Variants in CMTM8 observed in about 807,000 individuals in gnomAD.
CMTM8 encodes the protein CKLF like MARVEL transmembrane domain containing 8, also known as CKLF-like MARVEL transmembrane domain-containing protein 8.
A neutral mutation model predicts 18.6 loss-of-function variants in CMTM8; 12 were observed. The observed-to-expected ratio is 0.65, with a 90% CI of 0.41 to 1.05. The LOEUF (loss-of-function observed/expected upper bound fraction) is 1.05. Among genes scored for constraint, CMTM8 ranks in the 50% least tolerant of loss-of-function variants. The probability of loss-of-function intolerance (pLI) is 0.00; values close to 1 mark genes in which losing one functional copy is unlikely to be tolerated. For missense variants in CMTM8, 217 were observed against 227.2 expected, an observed-to-expected ratio of 0.95 and a Z score of 0.29; for synonymous variants, 87 against 90.6, an observed-to-expected ratio of 0.96 and a Z score of 0.23.
chr3:32,246,671 A>G (rs1374428957), intron 1 of CMTM8, among the ~76,000 whole-genome samples: 1 of 152,190 alleles, frequency 6.6e-6, no homozygotes, highest in African/African-American at 2.4e-5. Context: ...CCAGGCTCCT[A>G]CTGTTCAATG....
At chr3:32,331,600 G>C (rs1203492577) in intron 1 of CMTM8, among the ~76,000 whole-genome samples, 1 of 149,986 alleles carries the variant, frequency 6.7e-6, no homozygotes, top group East Asian at 1.9e-4. Flanking sequence ...GTTCATTGCA[G>C]CATTATTCAC....
At chr3:32,363,534 C>T (rs1417636330) in intron 2 of CMTM8, among the ~76,000 whole-genome samples, 2 of 152,210 alleles carry the variant, frequency 1.3e-5, no homozygotes, top group African/African-American at 4.8e-5. Context: ...CAGCTGGAAA[C>T]TCCGTTACCA....
intron 1 of CMTM8, among the ~76,000 whole-genome samples, chr3:32,247,507 G>A (rs1407008608): frequency 2.0e-5 from 3 of 151,816 alleles, no homozygotes; most frequent in Admixed American, 1.3e-4. Context: ...TGACTTTTTA[G>A]CAGATATGGA....
At chr3:32,351,505 C>A (rs980229725) in intron 1 of CMTM8, among the ~76,000 whole-genome samples, 2 of 151,972 alleles carry the variant, frequency 1.3e-5, no homozygotes, top group African/African-American at 4.8e-5. Context: ...CCCAGGAGTT[C>A]GAGACCAGCC....
chr3:32,280,026 G>A (rs1702582227), intron 1 of CMTM8, among the ~76,000 whole-genome samples: 1 of 142,084 alleles, frequency 7.0e-6, no homozygotes, highest in South Asian at 2.4e-4. Flanking sequence ...ACACCCCACT[G>A]TCAATATAAT....
intron 1 of CMTM8, among the ~76,000 whole-genome samples, chr3:32,242,580 G>A (rs896519192): frequency 1.3e-5 from 2 of 152,004 alleles, no homozygotes; most frequent in Non-Finnish European, 2.9e-5. Context: ...TGCCCACCTC[G>A]GCCTCCCAAA....
At chr3:32,250,451 T>C (rs909105985) in intron 1 of CMTM8, among the ~76,000 whole-genome samples, 8 of 152,222 alleles carry the variant, frequency 5.3e-5, no homozygotes, top group Non-Finnish European at 1.0e-4. Context: ...CTGGATTCTG[T>C]TGAATCTATA....
intron 1 of CMTM8, among the ~76,000 whole-genome samples, chr3:32,272,858 G>T (rs1487460399): frequency 1.3e-5 from 2 of 152,116 alleles, no homozygotes; most frequent in African/African-American, 4.8e-5. Context: ...TTACATGGGT[G>T]GTTTCCTGTT....
intron 1 of CMTM8, among the ~76,000 whole-genome samples, chr3:32,338,683 A>G (rs1399206065): frequency 3.3e-5 from 5 of 152,188 alleles, no homozygotes; most frequent in South Asian, 4.1e-4. Context: ...ATATAAGGCA[A>G]AATTGGATGG....
At chr3:32,345,974 G>A (rs1047192940) in intron 1 of CMTM8, among the ~76,000 whole-genome samples, 3 of 152,178 alleles carry the variant, frequency 2.0e-5, no homozygotes, top group African/African-American at 7.2e-5. Context: ...AACCAACATG[G>A]TGAAACTCCG....
intron 1 of CMTM8, among the ~76,000 whole-genome samples, chr3:32,332,641 T>C (rs1158607002): frequency 6.6e-6 from 1 of 152,168 alleles, no homozygotes; most frequent in Non-Finnish European, 1.5e-5. Flanking sequence ...CTCAGCCGCC[T>C]CAATCCTTCT....
At chr3:32,295,425 C>T (rs1467006095) in intron 1 of CMTM8, among the ~76,000 whole-genome samples, 1 of 120,680 alleles carries the variant, frequency 8.3e-6, no homozygotes, top group East Asian at 2.4e-4. Context: ...CACTGTGTTC[C>T]AGCCTGGGCA....
chr3:32,353,902 A>G (rs1364387922), intron 1 of CMTM8, among the ~76,000 whole-genome samples: 1 of 150,034 alleles, frequency 6.7e-6, no homozygotes, highest in African/African-American at 2.5e-5. Context: ...CTCCTGCCTC[A>G]GCCTCCCGAG....
Position 32,238,793 on chromosome 3 carries a change from C to G in CMTM8, c.-180C>G, listed in dbSNP as rs1248646882. 15 of 358,944 alleles carry G rather than the reference C, an allele frequency of 4.2e-5. No individual in the cohort carries two copies. The highest frequency in any genetic ancestry group is 7.6e-4 in the Middle Eastern group (1 of 1,312). 22.2% of individuals were successfully genotyped at this position (358,944 alleles called of 1,614,324 possible). Reference sequence around the variant, plus strand: ...GCACCGAGGCGCTAGGGGCACCGCGCACTAGAGGGACACCCGCCGCGCCTG... The same window carrying G: ...GCACCGAGGCGCTAGGGGCACCGCGGACTAGAGGGACACCCGCCGCGCCTG... On this transcript the variant is annotated 5_prime_UTR_variant, in exon 1 of 4. Transcript: ENST00000307526.
intron 2 of CMTM8, among the ~76,000 whole-genome samples, chr3:32,359,450 C>T (rs769010446): frequency 3.3e-5 from 5 of 152,110 alleles, no homozygotes; most frequent in African/African-American, 4.8e-5. Flanking sequence ...ATTAGCCTGG[C>T]GTAGTGGCAC....
intron 1 of CMTM8, among the ~76,000 whole-genome samples, chr3:32,281,145 G>A (rs776801564): frequency 6.6e-6 from 1 of 152,204 alleles, no homozygotes; most frequent in Non-Finnish European, 1.5e-5. Flanking sequence ...GAGATACCTT[G>A]TAGGCCCACC....
chr3:32,266,798 T>C (rs1387649605), intron 1 of CMTM8, among the ~76,000 whole-genome samples: 1 of 152,190 alleles, frequency 6.6e-6, no homozygotes, highest in Admixed American at 6.5e-5. Context: ...CAGGCATTCT[T>C]ATACACCAAT....
chr3:32,349,002 T>C (rs1481758468), intron 1 of CMTM8, among the ~76,000 whole-genome samples: 4 of 150,442 alleles, frequency 2.7e-5, no homozygotes, highest in African/African-American at 9.8e-5. Flanking sequence ...GGACTATTTT[T>C]ATGTCCTTCT....
rs1696835378 is a variant in CMTM8, at chr3:32,357,344, C to T, written c.148-29C>T. On this transcript the variant is annotated intron_variant, in intron 1 of 3. Coordinates refer to ENST00000307526, the MANE Select transcript of CMTM8 (RefSeq NM_178868.5). ...TTTCTTTATCTTCTACTGTCCCCTC[C>T]TCTCTCCACTGCTTCTACCACTTTA... 8 of 1,587,300 alleles carry T rather than the reference C, an allele frequency of 5.0e-6. No individual in the cohort carries two copies. The East Asian group carries it at 1.8e-4, about 35-fold the overall frequency.
Sources: gnomAD v4.1 joint callset for allele counts (sites outside exome capture counted in the v4.1 genomes callset) on GRCh38, gnomAD v4.1.1 for gene constraint, MANE v1.5 for transcripts, NCBI Gene and HGNC (gene_info 2026-07-23, HGNC 2026-07-21) for gene names.